Variants in PLCB1 observed in about 807,000 individuals in gnomAD.
PLCB1 encodes phospholipase C beta 1.
In PLCB1, 46 loss-of-function variants were observed where a neutral mutation model predicts 161.8. The observed-to-expected ratio is 0.28, with a 90% CI of 0.22 to 0.36. The LOEUF (loss-of-function observed/expected upper bound fraction) is 0.36. Among genes scored for constraint, PLCB1 ranks in the 10% least tolerant of loss-of-function variants. The pLI, the probability that PLCB1 is intolerant of heterozygous loss-of-function variation, is 1.00. For missense variants in PLCB1, 1,016 were observed against 1,472.5 expected (o/e 0.69, Z 5.07); for synonymous variants, 517 against 503.7 (o/e 1.03, Z -0.35).
At chr20:8,770,369 C>A (rs1451471299) in intron 26 of PLCB1, among the ~76,000 whole-genome samples, 2 of 152,212 alleles carry the variant, frequency 1.3e-5, no homozygotes, top group South Asian at 2.1e-4. Context: ...AGTTACACAG[C>A]CAGTTCAAGC....
At chr20:8,495,384 CTTTCTTTTTT>C (rs1568698629) in intron 3 of PLCB1, among the ~76,000 whole-genome samples, 1 of 121,032 alleles carries the variant, frequency 8.3e-6, no homozygotes. Context: ...CCTTACCTTC[CTTTCTTTTTT>C]TTTTTTTTTT....
chr20:8,518,202 T>C (rs1012869557), intron 3 of PLCB1, among the ~76,000 whole-genome samples: 2 of 151,908 alleles, frequency 1.3e-5, no homozygotes, highest in Non-Finnish European at 2.9e-5. Context: ...AATTATCCTA[T>C]TTTATTTGTT....
At chr20:8,735,584 CTA>C (rs767592266) in intron 19 of PLCB1, among the ~76,000 whole-genome samples, 14 of 152,296 alleles carry the variant, frequency 9.2e-5, no homozygotes, top group Non-Finnish European at 1.9e-4. Context: ...TTCTACCGTC[CTA>C]TGTTACTGAC....
At chr20:8,229,326 A>C (rs2123179405) in intron 2 of PLCB1, among the ~76,000 whole-genome samples, 1 of 152,224 alleles carries the variant, frequency 6.6e-6, no homozygotes, top group African/African-American at 2.4e-5. Flanking sequence ...AAATAGACTA[A>C]AATTGCTCTC....
chr20:8,727,157 A>G (rs1979981932), intron 16 of PLCB1, 152 bp from the exon 17 acceptor site: 1 of 546,024 alleles, frequency 1.8e-6, no homozygotes, highest in Admixed American at 3.4e-5. Flanking sequence ...ATAGTGCACT[A>G]GAAAAAAAAA....
intron 2 of PLCB1, among the ~76,000 whole-genome samples, chr20:8,182,233 A>G (rs189535353): frequency 6.6e-6 from 1 of 152,290 alleles, no homozygotes; most frequent in East Asian, 1.9e-4. Flanking sequence ...GGGTAGCTCT[A>G]ATATTCCCTT....
chr20:8,507,770 G>C (rs147020353), intron 3 of PLCB1, among the ~76,000 whole-genome samples: 6 of 152,172 alleles, frequency 3.9e-5, no homozygotes, highest in African/African-American at 1.4e-4. Flanking sequence ...CAATTATAAA[G>C]AAGATAAGAA....
chr20:8,503,444 T>A (rs1364912992), intron 3 of PLCB1, among the ~76,000 whole-genome samples: 1 of 152,164 alleles, frequency 6.6e-6, no homozygotes, highest in African/African-American at 2.4e-5. Context: ...TCCACCTCTT[T>A]TCACTTCTCT....
chr20:8,274,480 CG>C (rs1238643106), intron 2 of PLCB1, among the ~76,000 whole-genome samples: 4 of 150,924 alleles, frequency 2.7e-5, no homozygotes, highest in Middle Eastern at 3.4e-3. Context: ...TTACTTGTGT[CG>C]TTTTTTTTTT....
intron 3 of PLCB1, among the ~76,000 whole-genome samples, chr20:8,465,464 G>C (rs542814343): frequency 6.6e-6 from 1 of 152,136 alleles, no homozygotes; most frequent in East Asian, 1.9e-4. Context: ...TTATGCTGCT[G>C]TTCCAATTGT....
At chr20:8,255,190 A>C (rs1409586274) in intron 2 of PLCB1, among the ~76,000 whole-genome samples, 1 of 152,122 alleles carries the variant, frequency 6.6e-6, no homozygotes, top group Non-Finnish European at 1.5e-5. Flanking sequence ...ACATCAGTTT[A>C]TTGGTTGGAC....
intron 3 of PLCB1, among the ~76,000 whole-genome samples, chr20:8,491,107 G>T (rs1246052442): frequency 6.6e-6 from 1 of 151,402 alleles, no homozygotes. Flanking sequence ...TTTGGTGTTT[G>T]TGTCATATAT....
chr20:8,522,763 C>CA (rs1272130879), intron 3 of PLCB1, among the ~76,000 whole-genome samples: 1 of 151,932 alleles, frequency 6.6e-6, no homozygotes, highest in Non-Finnish European at 1.5e-5. Context: ...TTCTAAGCCA[C>CA]AAAAAAGTAA....
intron 3 of PLCB1, among the ~76,000 whole-genome samples, chr20:8,443,562 G>A (rs961055331): frequency 1.3e-5 from 2 of 152,154 alleles, no homozygotes; most frequent in African/African-American, 2.4e-5. Context: ...TGGATCTCCA[G>A]GGTTTTCTTT....
At chr20:8,540,240 CTATTACTTGA>C (rs1189771181) in intron 3 of PLCB1, among the ~76,000 whole-genome samples, 1 of 152,008 alleles carries the variant, frequency 6.6e-6, no homozygotes, top group African/African-American at 2.4e-5. Flanking sequence ...GATGAATGAG[CTATTACTTGA>C]TATTCTCTTG....
At chr20:8,859,453 A>G (rs753616148) in intron 31 of PLCB1, among the ~76,000 whole-genome samples, 1 of 152,186 alleles carries the variant, frequency 6.6e-6, no homozygotes, top group African/African-American at 2.4e-5. Flanking sequence ...AAGTGATACT[A>G]CTGGTCCTAG....
chr20:8,225,757 T>C (rs2123171828), intron 2 of PLCB1, among the ~76,000 whole-genome samples: 1 of 152,362 alleles, frequency 6.6e-6, no homozygotes, highest in Admixed American at 6.5e-5. Context: ...AAGGTTGTTC[T>C]CACTTTCAGT....
rs185572036 is a variant in PLCB1 at position 8,285,307 on chromosome 20, C to T, written c.178-86075C>T. 1.7e-3 allele frequency among the ~76,000 whole-genome samples: 262 copies of T among 149,998 alleles called. 2 individuals are homozygous for T. The highest frequency in any genetic ancestry group is 0.017 in the South Asian group (79 of 4,778). On this transcript the variant is annotated intron_variant, in intron 2 of 31. Transcript: ENST00000338037. The stretch of plus-strand genomic sequence containing the variant: ...ATATATTTATATCTATATACATATA[C>T]ATCACAGTATCTTCAGGGCTCAATC...
chr20:8,757,330 A>T, intron 24 of PLCB1, 152 bp downstream of exon 24: 1 of 723,020 alleles, frequency 1.4e-6, no homozygotes, highest in Admixed American at 3.1e-5. Context: ...CAATTAATGA[A>T]TGAAAGCCAG....
Sources: gnomAD v4.1 joint callset for allele counts (sites outside exome capture counted in the v4.1 genomes callset) on GRCh38, gnomAD v4.1.1 for gene constraint, MANE v1.5 for transcripts, NCBI Gene and HGNC (gene_info 2026-07-23, HGNC 2026-07-21) for gene names.